The following GALNT2 variants were observed in gnomAD, a reference collection of about 807,000 sequenced individuals.
GALNT2 encodes the protein polypeptide N-acetylgalactosaminyltransferase 2, also known as UDP-GalNAc:polypeptide N-acetylgalactosaminyltransferase 2.
A neutral mutation model predicts 81.4 loss-of-function variants in GALNT2; 31 were observed. That is an observed-to-expected ratio of 0.38 (90% CI 0.29 to 0.51). The LOEUF is 0.51. Among genes scored for constraint, GALNT2 ranks in the 20% least tolerant of loss-of-function variants. The pLI, the probability that GALNT2 is intolerant of heterozygous loss-of-function variation, is 0.87. For synonymous variants in GALNT2, 303 were observed against 287.4 expected, an observed-to-expected ratio of 1.05 and a Z score of -0.55; for missense variants, 629 against 765.7, an observed-to-expected ratio of 0.82 and a Z score of 2.11.
chr1:230,223,453 A>AT (rs141387009), intron 3 of GALNT2, among the ~76,000 whole-genome samples: 7,465 of 147,084 alleles, frequency 0.051, 574 homozygotes, highest in African/African-American at 0.17. Flanking sequence ...ACTCTTAGCC[A>AT]TTTTTTTTTT....
intron 8 of GALNT2, among the ~76,000 whole-genome samples, chr1:230,246,965 G>A (rs1665390520): frequency 6.6e-6 from 1 of 152,080 alleles, no homozygotes; most frequent in South Asian, 2.1e-4. Context: ...TTGACCAGGT[G>A]CAGTGGCTCA....
intron 2 of GALNT2, among the ~76,000 whole-genome samples, chr1:230,195,448 A>T (rs1316140285): frequency 6.6e-6 from 1 of 152,044 alleles, no homozygotes; most frequent in East Asian, 1.9e-4. Flanking sequence ...AGGAGAAAGA[A>T]AAGAGAGAGG....
rs780935807 is a variant in GALNT2 at position 230,070,743 on chromosome 1, C to T, written c.126+3337C>T. Among the ~76,000 whole-genome samples, 19 of 152,186 alleles carry T rather than the reference C, an allele frequency of 1.2e-4. No homozygotes were observed. The highest frequency in any genetic ancestry group is 2.1e-4 in the Non-Finnish European group (14 of 68,018). ...TTCTTGGAACAGTGAAGGACCTTGC[C>T]GGGCTAGACCATGGTACACATGGAG... On this transcript the variant is annotated intron_variant, in intron 1 of 15. Transcript: ENST00000366672. This position sits in a 1 kb window ranked among gnomAD's most constrained non-coding sequence, Gnocchi z 4.7.
chr1:230,069,067 C>T (rs1659293073), intron 1 of GALNT2, among the ~76,000 whole-genome samples: 1 of 152,210 alleles, frequency 6.6e-6, no homozygotes, highest in South Asian at 2.1e-4. Flanking sequence ...AAACCAAACA[C>T]ATAAGCCACC....
intron 1 of GALNT2, among the ~76,000 whole-genome samples, chr1:230,121,391 T>C (rs1363206906): frequency 6.6e-6 from 1 of 152,242 alleles, no homozygotes; most frequent in Non-Finnish European, 1.5e-5. Context: ...GACAACTCTG[T>C]TGGCTTTCCT....
chr1:230,159,106 T>A (rs948548445), intron 1 of GALNT2, among the ~76,000 whole-genome samples: 3 of 152,218 alleles, frequency 2.0e-5, no homozygotes, highest in African/African-American at 7.2e-5. Flanking sequence ...AAGCGTACAC[T>A]TTAACCTGTA....
upstream of GALNT2, among the ~76,000 whole-genome samples, chr1:230,066,415 C>T (rs1659182879): frequency 6.6e-6 from 1 of 152,208 alleles, no homozygotes; most frequent in African/African-American, 2.4e-5. Context: ...TTTCCTTCTT[C>T]CTCATTTTGT....
At chr1:230,104,544 G>A (rs925708837) in intron 1 of GALNT2, among the ~76,000 whole-genome samples, 1 of 152,184 alleles carries the variant, frequency 6.6e-6, no homozygotes, top group African/African-American at 2.4e-5. Flanking sequence ...GGGGAAATGC[G>A]GGAGGAGGGA....
At chr1:230,268,320 C>T (rs1198528648) in intron 14 of GALNT2, 4 of 151,890 alleles carry the variant, frequency 2.6e-5, no homozygotes, top group Non-Finnish European at 5.9e-5. Context: ...CTGTGGATGA[C>T]AAAACGGACG....
At chr1:230,104,989 CAGG>C (rs1660500403) in intron 1 of GALNT2, among the ~76,000 whole-genome samples, 2 of 152,206 alleles carry the variant, frequency 1.3e-5, no homozygotes, top group Admixed American at 1.3e-4. Flanking sequence ...GGAATGTAGG[CAGG>C]AGGGCCACAG....
Position 230,112,063 on chromosome 1 carries a change from CT to C in GALNT2, c.126+44658del, listed in dbSNP as rs376822306. Among the ~76,000 whole-genome samples, 1,104 of 152,232 alleles carry C rather than the reference CT, an allele frequency of 7.3e-3. 18 individuals are homozygous for C. Among genetic ancestry groups the C allele is most frequent in the African/African-American group, 0.025 (1,037 of 41,538 alleles). On this transcript the variant is annotated intron_variant, in intron 1 of 15. Transcript: ENST00000366672. ...TGTCTCATTACTGAGAGGAAGAAGG[CT>C]GGCTGGCCTCAGAAGGCATGAGAAC...
intron 1 of GALNT2, among the ~76,000 whole-genome samples, chr1:230,176,086 A>T (rs1300270164): frequency 6.6e-6 from 1 of 152,144 alleles, no homozygotes. Context: ...GTACCTTGTC[A>T]TGCCCTAATT....
chr1:230,219,623 C>T (rs1173905456), intron 3 of GALNT2, among the ~76,000 whole-genome samples: 2 of 152,094 alleles, frequency 1.3e-5, no homozygotes, highest in African/African-American at 2.4e-5. Context: ...CCCTCCTGGG[C>T]CCTGCATAGA....
chr1:230,076,605 G>C (rs914841368), intron 1 of GALNT2, among the ~76,000 whole-genome samples: 2 of 152,212 alleles, frequency 1.3e-5, no homozygotes, highest in African/African-American at 4.8e-5. Context: ...AAATGGAGAT[G>C]TGACTTCATG....
chr1:230,215,423 T>C (rs1307645528), intron 3 of GALNT2, among the ~76,000 whole-genome samples: 15 of 152,380 alleles, frequency 9.8e-5, no homozygotes, highest in African/African-American at 3.1e-4. Flanking sequence ...GCTGCTTTGC[T>C]AGCTCTCTAG....
chr1:230,255,495 C>T (rs1029550563), intron 11 of GALNT2, 151 bp downstream of exon 11: 1 of 1,023,748 alleles, frequency 9.8e-7, no homozygotes, highest in African/African-American at 1.6e-5. Context: ...AGGCGCATTC[C>T]ACGGATGCAG....
chr1:230,262,764 G>T lies in GALNT2; in HGVS notation c.1229+99G>T, dbSNP rs756143819. Reference sequence around the variant, plus strand: ...CCCAGCGTTGAATTCAGCTACCCAGGTGCCAAGGCGGGAAGGGGTTGTGGG... The same window carrying T: ...CCCAGCGTTGAATTCAGCTACCCAGTTGCCAAGGCGGGAAGGGGTTGTGGG... On this transcript the variant is annotated intron_variant, in intron 12 of 15. Coordinates refer to ENST00000366672, the MANE Select transcript of GALNT2 (RefSeq NM_004481.5). 66 of 1,354,680 alleles carry T rather than the reference G, an allele frequency of 4.9e-5. 1 individual carries two copies. In the Middle Eastern group the frequency reaches 3.5e-3, roughly 71 times the overall value. The allele number at this position is 1,354,680 out of a possible 1,614,324, so 83.9% of individuals were successfully genotyped here.
At chr1:230,196,001 C>G (rs1460658959) in intron 2 of GALNT2, among the ~76,000 whole-genome samples, 1 of 152,230 alleles carries the variant, frequency 6.6e-6, no homozygotes, top group Non-Finnish European at 1.5e-5. Context: ...TCACTTTCGT[C>G]TCCTGTCTGA....
intron 1 of GALNT2, among the ~76,000 whole-genome samples, chr1:230,080,291 C>T (rs1659687928): frequency 6.6e-6 from 1 of 152,088 alleles, no homozygotes; most frequent in Admixed American, 6.6e-5. Flanking sequence ...TTTTAGGTTA[C>T]TGTGGAGAAG....
Sources: allele counts gnomAD v4.1 joint callset (sites outside exome capture counted in the v4.1 genomes callset), GRCh38; gene constraint gnomAD v4.1.1; non-coding constraint Gnocchi (gnomAD v3.1); transcripts MANE v1.5; gene names NCBI Gene and HGNC (gene_info 2026-07-23, HGNC 2026-07-21).